The following NXPH2 variants were observed in gnomAD, a reference collection of about 807,000 sequenced individuals.
NXPH2 encodes neurexophilin 2, also known as neurexophilin-2.
NXPH2 carries 5 observed loss-of-function variants against 19.8 expected under a neutral mutation model. That is an observed-to-expected ratio of 0.25 (90% CI 0.13 to 0.53). The LOEUF is 0.53. NXPH2 is among the 20% of genes least tolerant of loss of function. The pLI, the probability that NXPH2 is intolerant of heterozygous loss-of-function variation, is 0.96. For missense variants in NXPH2, 289 were observed against 322.8 expected, an observed-to-expected ratio of 0.90 and a Z score of 0.80; for synonymous variants, 154 against 127.4, an observed-to-expected ratio of 1.21 and a Z score of -1.41.
At chr2:138,739,945 T>C (rs1470661154) in intron 1 of NXPH2, among the ~76,000 whole-genome samples, 1 of 152,166 alleles carries the variant, frequency 6.6e-6, no homozygotes, top group Non-Finnish European at 1.5e-5. Context: ...CCTGGAAATT[T>C]GGATATATAG....
chr2:138,752,634 T>C (rs926917611), intron 1 of NXPH2, among the ~76,000 whole-genome samples: 1 of 152,156 alleles, frequency 6.6e-6, no homozygotes, highest in Non-Finnish European at 1.5e-5. Flanking sequence ...CTGAAGCCCA[T>C]ACTTTGTTCA....
chr2:138,770,276 C>T (rs1379000649), intron 1 of NXPH2, among the ~76,000 whole-genome samples: 3 of 152,068 alleles, frequency 2.0e-5, no homozygotes, highest in African/African-American at 2.4e-5. Flanking sequence ...ATACAAAAAT[C>T]TGGCATGTTT....
At chr2:138,754,594 G>A (rs1435836274) in intron 1 of NXPH2, among the ~76,000 whole-genome samples, 1 of 152,126 alleles carries the variant, frequency 6.6e-6, no homozygotes, top group African/African-American at 2.4e-5. Flanking sequence ...AACTATAGAA[G>A]CACAGCTTGT....
At chr2:138,685,078 G>A (rs995302845) in intron 1 of NXPH2, among the ~76,000 whole-genome samples, 3 of 152,164 alleles carry the variant, frequency 2.0e-5, no homozygotes, top group African/African-American at 7.2e-5. Context: ...AGACCAATCA[G>A]TTGATTTTAA....
chr2:138,759,931 A>T (rs1028185452), intron 1 of NXPH2, among the ~76,000 whole-genome samples: 5 of 151,826 alleles, frequency 3.3e-5, no homozygotes, highest in Non-Finnish European at 7.4e-5. Context: ...GGATTTCACC[A>T]TGTTAGCCAG....
intron 1 of NXPH2, among the ~76,000 whole-genome samples, chr2:138,711,281 C>A (rs993620180): frequency 6.6e-6 from 1 of 151,634 alleles, no homozygotes; most frequent in African/African-American, 2.4e-5. Context: ...GCTGGGATTA[C>A]AGGCACCCAC....
intron 1 of NXPH2, among the ~76,000 whole-genome samples, chr2:138,750,735 GA>G (rs144059528): frequency 0.04 from 6,153 of 152,164 alleles, 146 homozygotes; most frequent in Middle Eastern, 0.085. Context: ...CAAGTAAAAA[GA>G]GATGTATACA....
At chr2:138,714,411 C>A (rs953426395) in intron 1 of NXPH2, among the ~76,000 whole-genome samples, 2 of 152,126 alleles carry the variant, frequency 1.3e-5, no homozygotes, top group African/African-American at 2.4e-5. Context: ...AATTTCATAT[C>A]CTGAATATCT....
intron 1 of NXPH2, among the ~76,000 whole-genome samples, chr2:138,740,288 T>G (rs978512494): frequency 2.0e-5 from 3 of 152,194 alleles, no homozygotes; most frequent in African/African-American, 7.2e-5. Context: ...AAAAAAGAGT[T>G]AACAACATGA....
At chr2:138,716,142 C>A (rs938563447) in intron 1 of NXPH2, among the ~76,000 whole-genome samples, 1 of 152,150 alleles carries the variant, frequency 6.6e-6, no homozygotes, top group African/African-American at 2.4e-5. Context: ...CCAAAATTTC[C>A]TTACACTTCA....
chr2:138,708,184 C>A (rs573046747), intron 1 of NXPH2, among the ~76,000 whole-genome samples: 1 of 152,122 alleles, frequency 6.6e-6, no homozygotes, highest in Admixed American at 6.5e-5. Flanking sequence ...TGGCATGGGA[C>A]AACAGGAAAG....
intron 1 of NXPH2, among the ~76,000 whole-genome samples, chr2:138,720,691 C>A (rs1326293789): frequency 6.6e-6 from 1 of 152,178 alleles, no homozygotes; most frequent in African/African-American, 2.4e-5. Flanking sequence ...GCTGGCTCCA[C>A]ACGCACTGGC....
At chr2:138,683,744 T>C (rs1680610457) in intron 1 of NXPH2, among the ~76,000 whole-genome samples, 1 of 152,222 alleles carries the variant, frequency 6.6e-6, no homozygotes, top group South Asian at 2.1e-4. Context: ...CAGTCCACTT[T>C]TTGCTGTTGT....
At chr2:138,712,057 T>C (rs1349068259) in intron 1 of NXPH2, among the ~76,000 whole-genome samples, 1 of 152,186 alleles carries the variant, frequency 6.6e-6, no homozygotes, top group Non-Finnish European at 1.5e-5. Flanking sequence ...TTCAGTTTAG[T>C]AGGCTGAGGC....
chr2:138,709,732 T>A (rs527905458), intron 1 of NXPH2, among the ~76,000 whole-genome samples: 2 of 152,304 alleles, frequency 1.3e-5, no homozygotes, highest in South Asian at 4.1e-4. Context: ...TAGTTTTACC[T>A]TGCCCAGAAT....
intron 1 of NXPH2, among the ~76,000 whole-genome samples, chr2:138,745,716 T>C (rs1681720161): frequency 6.6e-6 from 1 of 152,124 alleles, no homozygotes; most frequent in Non-Finnish European, 1.5e-5. Context: ...CTTGGAAACA[T>C]AATGTTGGGT....
chr2:138,717,800 C>T (rs1681215248), intron 1 of NXPH2, among the ~76,000 whole-genome samples: 2 of 152,084 alleles, frequency 1.3e-5, no homozygotes, highest in South Asian at 2.1e-4. Flanking sequence ...GGATCAAAAA[C>T]AACTCTAAAA....
At chr2:138,764,518 C>T (rs766082806) in intron 1 of NXPH2, among the ~76,000 whole-genome samples, 45 of 152,178 alleles carry the variant, frequency 3.0e-4, no homozygotes, top group Non-Finnish European at 5.6e-4. Context: ...ATTAAAATGA[C>T]TTCAGCAAAT....
chr2:138,717,089 A>T (rs1274422201), intron 1 of NXPH2, among the ~76,000 whole-genome samples: 1 of 152,236 alleles, frequency 6.6e-6, no homozygotes, highest in Non-Finnish European at 1.5e-5. Flanking sequence ...ATAGTGAAAT[A>T]ACAATGATCC....
Sources: allele counts gnomAD v4.1 joint callset (sites outside exome capture counted in the v4.1 genomes callset), GRCh38; gene constraint gnomAD v4.1.1; transcripts MANE v1.5; gene names NCBI Gene and HGNC (gene_info 2026-07-23, HGNC 2026-07-21).